LZTS1: variants seen among roughly 807,000 people sequenced by gnomAD.
LZTS1 encodes the protein leucine zipper tumor suppressor 1, also known as leucine zipper putative tumor suppressor 1.
LZTS1 carries 31 observed loss-of-function variants against 45.8 expected under a neutral mutation model. That is an observed-to-expected ratio of 0.68 (90% CI 0.51 to 0.91). The LOEUF is 0.91. Among genes scored for constraint, LZTS1 ranks in the 40% least tolerant of loss-of-function variants. LZTS1 has a pLI of 0.00. For synonymous variants in LZTS1, 359 were observed against 357.3 expected, an observed-to-expected ratio of 1.00 and a Z score of -0.05; for missense variants, 821 against 788.9, an observed-to-expected ratio of 1.04 and a Z score of -0.49.
chr8:20,290,949 C>T (rs1360534184), intron 1 of LZTS1, among the ~76,000 whole-genome samples: 1 of 152,160 alleles, frequency 6.6e-6, no homozygotes, highest in Admixed American at 6.5e-5. Context: ...GGGGTCCTTC[C>T]CGAGGGAGGA....
chr8:20,262,395 A>G (rs1186224776), intron 1 of LZTS1, among the ~76,000 whole-genome samples: 1 of 152,182 alleles, frequency 6.6e-6, no homozygotes, highest in Non-Finnish European at 1.5e-5. Context: ...GATAAAAGCC[A>G]GAGAGACAGG....
chr8:20,303,631 G>A (rs1190958057), intron 1 of LZTS1, 109 bp downstream of exon 1: 3 of 904,708 alleles, frequency 3.3e-6, no homozygotes, highest in African/African-American at 3.6e-5. Flanking sequence ...AAAGACCGAC[G>A]GACGCGCGGA....
chr8:20,271,515 G>A (rs750498300), intron 1 of LZTS1, among the ~76,000 whole-genome samples: 1 of 152,262 alleles, frequency 6.6e-6, no homozygotes. Context: ...AAGAGGCTCC[G>A]AAGAGCCACC....
chr8:20,293,369 C>T (rs937556419), intron 1 of LZTS1, among the ~76,000 whole-genome samples: 1 of 152,174 alleles, frequency 6.6e-6, no homozygotes, highest in South Asian at 2.1e-4. Context: ...TTCCCCACCA[C>T]CTGCTCTTCC....
chr8:20,269,275 A>G (rs764231933), intron 1 of LZTS1, among the ~76,000 whole-genome samples: 11 of 152,168 alleles, frequency 7.2e-5, no homozygotes, highest in Non-Finnish European at 1.6e-4. Flanking sequence ...ACGACCCGTG[A>G]TACAGATCTT....
chr8:20,279,484 G>A (rs1199149240), intron 1 of LZTS1, among the ~76,000 whole-genome samples: 2 of 152,120 alleles, frequency 1.3e-5, no homozygotes, highest in Non-Finnish European at 2.9e-5. Flanking sequence ...AGAATCGCCT[G>A]AGGCCAGGGG....
chr8:20,281,917 G>T (rs1177068403), intron 1 of LZTS1, among the ~76,000 whole-genome samples: 1 of 152,152 alleles, frequency 6.6e-6, no homozygotes, highest in Non-Finnish European at 1.5e-5. Flanking sequence ...GAAAAGAGTT[G>T]GTGGAAGGAT....
chr8:20,267,203 G>C lies in LZTS1; in HGVS notation c.-134-11888C>G, dbSNP rs74911438. Reference sequence around the variant, plus strand: ...CCTGGTGGAGGATGCTGTCTGGGCTGTCGGGTCCCCTGGTTTCTGGCATCG... The same window carrying C: ...CCTGGTGGAGGATGCTGTCTGGGCTCTCGGGTCCCCTGGTTTCTGGCATCG... On this transcript the variant is annotated intron_variant, in intron 1 of 3. Transcript: ENST00000381569. Among the ~76,000 whole-genome samples the C allele has an allele frequency of 1.6e-3, 234 of 146,564 alleles. 1 individual carries two copies. Among genetic ancestry groups the C allele is most frequent in the African/African-American group, 5.5e-3 (222 of 40,278 alleles).
chr8:20,253,678 C>A, intron 2 of LZTS1, 93 bp from the exon 3 acceptor site: 2 of 1,008,768 alleles, frequency 2.0e-6, no homozygotes, highest in South Asian at 3.9e-5. Flanking sequence ...TTGAGCCAGT[C>A]TGGGCTCTCT....
intron 1 of LZTS1, among the ~76,000 whole-genome samples, chr8:20,271,848 G>A (rs151293358): frequency 6.6e-4 from 100 of 152,354 alleles, no homozygotes; most frequent in Non-Finnish European, 8.7e-4. Context: ...CTGCTGGACA[G>A]ACTAGCCATA....
chr8:20,256,679 A>C (rs1800111075), intron 1 of LZTS1, among the ~76,000 whole-genome samples: 1 of 152,176 alleles, frequency 6.6e-6, no homozygotes, highest in African/African-American at 2.4e-5. Flanking sequence ...AAAGGATCAG[A>C]TGTAGGGAGT....
In LZTS1 at chr8:20,294,420, G is replaced by T. The variant is rs1800948564; in HGVS notation, c.-135+9320C>A. ...AGGGCCAGCTGCGGGCCTGGCAAGGGGAGGAGCCGAAGGCAGCTGGGGAGT... is the reference window on the plus strand; with the variant it reads ...AGGGCCAGCTGCGGGCCTGGCAAGGTGAGGAGCCGAAGGCAGCTGGGGAGT... On this transcript the variant is annotated intron_variant, in intron 1 of 3. Coordinates refer to ENST00000381569, the MANE Select transcript of LZTS1 (RefSeq NM_021020.5). Among the ~76,000 whole-genome samples, 3 of 152,362 alleles carry T rather than the reference G, an allele frequency of 2.0e-5. No homozygotes were observed. In the South Asian group the frequency reaches 6.2e-4, roughly 32 times the overall value.
intron 1 of LZTS1, chr8:20,289,848 A>G: frequency 6.6e-6 from 1 of 152,180 alleles, no homozygotes; most frequent in Middle Eastern, 3.1e-3. Context: ...GGAGTTTAAT[A>G]GCTGTTCCTG....
At position 20,251,150 on chromosome 8, in the gene LZTS1, A is replaced by ATATATATATAT. The variant is rs1563851104; in HGVS notation, c.1150-788_1150-787insATATATATATA. Among the ~76,000 whole-genome samples, 236 of 78,920 alleles carry ATATATATATAT rather than the reference A, an allele frequency of 3.0e-3. 51 individuals are homozygous for ATATATATATAT. Among genetic ancestry groups the ATATATATATAT allele is most frequent in the Non-Finnish European group, 4.6e-3 (168 of 36,870 alleles). 51.8% of individuals were successfully genotyped at this position (78,920 alleles called of 152,430 possible). ...ATATATATATATATATATATATATAAAATATAAAGTATAAGAGTAGAGATT... is the reference window on the plus strand; with the variant it reads ...ATATATATATATATATATATATATAATATATATATATAATATAAAGTATAAGAGTAGAGATT... On this transcript the variant is annotated intron_variant, in intron 3 of 3. Transcript: ENST00000381569.
chr8:20,274,571 A>AC (rs1289346763), intron 1 of LZTS1, among the ~76,000 whole-genome samples: 5 of 152,042 alleles, frequency 3.3e-5, no homozygotes, highest in East Asian at 1.9e-4. Flanking sequence ...TGAGTGTTAG[A>AC]CCCCCCTTAT....
chr8:20,287,363 G>A (rs1800810512), intron 1 of LZTS1, among the ~76,000 whole-genome samples: 1 of 152,246 alleles, frequency 6.6e-6, no homozygotes. Flanking sequence ...TTTGCTGTCA[G>A]CACAGGGCTG....
intron 1 of LZTS1, among the ~76,000 whole-genome samples, chr8:20,272,763 G>T (rs115824891): frequency 6.6e-6 from 1 of 152,136 alleles, no homozygotes; most frequent in African/African-American, 2.4e-5. Flanking sequence ...GCCTGTCACC[G>T]TGAAACAGAA....
At chr8:20,270,649 C>G (rs1244521420) in intron 1 of LZTS1, among the ~76,000 whole-genome samples, 1 of 152,082 alleles carries the variant, frequency 6.6e-6, no homozygotes, top group Non-Finnish European at 1.5e-5. Flanking sequence ...ACAAAAGGCG[C>G]AGACTCCTCC....
At chr8:20,288,522 C>G (rs1800838274) in intron 1 of LZTS1, among the ~76,000 whole-genome samples, 1 of 152,202 alleles carries the variant, frequency 6.6e-6, no homozygotes, top group Non-Finnish European at 1.5e-5. Flanking sequence ...GCCTGCCTCA[C>G]CCCAACCCCA....
Sources: gnomAD v4.1 joint callset for allele counts (sites outside exome capture counted in the v4.1 genomes callset) on GRCh38, gnomAD v4.1.1 for gene constraint, MANE v1.5 for transcripts, NCBI Gene and HGNC (gene_info 2026-07-23, HGNC 2026-07-21) for gene names.